KNTC1: variants seen among roughly 807,000 people sequenced by gnomAD.
KNTC1 encodes the protein kinetochore associated 1, also known as kinetochore-associated protein 1.
KNTC1 carries 253 observed loss-of-function variants against 314.4 expected under a neutral mutation model. That is an observed-to-expected ratio of 0.80 (90% CI 0.73 to 0.89). The LOEUF (loss-of-function observed/expected upper bound fraction) is 0.89. KNTC1 is among the 40% of genes least tolerant of loss of function. KNTC1 has a pLI of 0.00. For missense variants in KNTC1, 2,475 were observed against 2,572.9 expected, an observed-to-expected ratio of 0.96 and a Z score of 0.82; for synonymous variants, 901 against 901.4, an observed-to-expected ratio of 1.00 and a Z score of 0.01.
intron 22 of KNTC1, among the ~76,000 whole-genome samples, chr12:122,570,158 A>G (rs1403461137): frequency 6.6e-6 from 1 of 152,082 alleles, no homozygotes; most frequent in Non-Finnish European, 1.5e-5. Context: ...AGAGGCTTGG[A>G]AGGGTTGTGG....
At position 122,601,395 on chromosome 12, in the gene KNTC1, C is replaced by T. The variant is rs555997561; in HGVS notation, c.4564-141C>T. The T allele has an allele frequency of 3.0e-5, 24 of 791,458 alleles. No individual in the cohort carries two copies. The South Asian group carries it at 4.0e-4, about 13-fold the overall frequency. 49.0% of individuals were successfully genotyped at this position (791,458 alleles called of 1,614,324 possible). ...CCACCGTGCCCGGCCGATTGTAGCT[C>T]ATTTTTAAGGGAGTAATTAATTTAA... is the stretch of plus-strand genomic sequence containing the variant. On this transcript the variant is annotated intron_variant, in intron 44 of 63. Coordinates refer to ENST00000333479, the MANE Select transcript of KNTC1 (RefSeq NM_014708.6).
Position 122,597,910 on chromosome 12 carries a change from T to C in KNTC1, c.4535T>C (p.Val1512Ala). The C allele has an allele frequency of 6.2e-7, 1 of 1,613,994 alleles. No individual in the cohort carries two copies. The highest frequency in any genetic ancestry group is 1.1e-5 in the South Asian group (1 of 91,084). The change falls in exon 44 of 64, where the codon GTC (valine) becomes GCC (alanine). Residue 1512 changes from valine (V) to alanine (A), a missense_variant. Coordinates refer to ENST00000333479, the MANE Select transcript of KNTC1 (RefSeq NM_014708.6). Reference sequence around the variant, plus strand: ...TTACTGACGAGCACAAAAGATTTGGTCATCAGTCTTAGTGGAATACTACAT... The same window carrying C: ...TTACTGACGAGCACAAAAGATTTGGCCATCAGTCTTAGTGGAATACTACAT... ...VPLLTSTKDL[V>A]ISLSGILHKL...
chr12:122,584,265 C>T lies in KNTC1; in HGVS notation c.3264-13C>T. ...TGAGTATTCTAACTACCAATACTTT[C>T]TTTCTTCCAAAGCGACTTGTTTAAG... On this transcript the variant is annotated splice_polypyrimidine_tract_variant and intron_variant, in intron 34 of 63. Coordinates refer to ENST00000333479, the MANE Select transcript of KNTC1 (RefSeq NM_014708.6). 1 of 1,593,936 alleles carries T rather than the reference C, an allele frequency of 6.3e-7. No homozygotes were observed. Among genetic ancestry groups the T allele is most frequent in the Admixed American group, 1.7e-5 (1 of 58,508 alleles).
chr12:122,528,425 A>G (rs1960966785), intron 1 of KNTC1, among the ~76,000 whole-genome samples: 2 of 152,208 alleles, frequency 1.3e-5, no homozygotes, highest in Non-Finnish European at 2.9e-5. Context: ...AATGTTTGCC[A>G]TCAACCAAGC....
chr12:122,595,508 A>G (rs1300713965), intron 43 of KNTC1, among the ~76,000 whole-genome samples: 2 of 152,054 alleles, frequency 1.3e-5, no homozygotes, highest in Admixed American at 6.5e-5. Context: ...TGAGAATGAA[A>G]CTGCTTGGTG....
chr12:122,611,083 G>T (rs1873066617), intron 53 of KNTC1, 183 bp downstream of exon 53: 2 of 597,330 alleles, frequency 3.3e-6, no homozygotes, highest in African/African-American at 1.9e-5. Context: ...ATTTAGTTCT[G>T]GTCTCTGTAA....
At chr12:122,601,141 G>A (rs1871825568) in intron 44 of KNTC1, among the ~76,000 whole-genome samples, 1 of 152,010 alleles carries the variant, frequency 6.6e-6, no homozygotes, top group South Asian at 2.1e-4. Flanking sequence ...GGAGTGCAGT[G>A]GCGCAATCTC....
intron 5 of KNTC1, 29 bp from the exon 6 acceptor site, chr12:122,542,021 A>G (rs2137712749): frequency 1.3e-6 from 2 of 1,496,376 alleles, no homozygotes; most frequent in Non-Finnish European, 1.8e-6. Flanking sequence ...CTCAAAAAAA[A>G]GAAACTGATT....
At position 122,574,360 on chromosome 12, in the gene KNTC1, G is replaced by A. The variant is rs1371962771; in HGVS notation, c.2362G>A (p.Ala788Thr). 7.5e-6 allele frequency: 12 copies of A among 1,606,930 alleles called. No homozygotes were observed. Among genetic ancestry groups the A allele is most frequent in the Non-Finnish European group, 1.0e-5 (12 of 1,175,034 alleles). The stretch of plus-strand genomic sequence containing the variant: ...GGAAGCAAAGGCCATGGCAGTAATA[G>A]CGTGTTTATCTGACACGGACGTAAG... ...AWEAKAMAVIACLSDTDLIFD... is the reference protein window; with the variant it reads ...AWEAKAMAVITCLSDTDLIFD... The change falls in exon 27 of 64, where the codon GCG becomes ACG. Residue 788 changes from alanine (A) to threonine (T), a missense_variant. Coordinates refer to ENST00000333479, the MANE Select transcript of KNTC1 (RefSeq NM_014708.6).
At chr12:122,552,048 T>C (rs575674860) in intron 16 of KNTC1, among the ~76,000 whole-genome samples, 6 of 152,196 alleles carry the variant, frequency 3.9e-5, no homozygotes, top group Admixed American at 2.0e-4. Context: ...GCTGGGATTA[T>C]AGGCATGCAT....
chr12:122,594,488 AC>A, intron 43 of KNTC1, 103 bp downstream of exon 43: 1 of 675,638 alleles, frequency 1.5e-6, no homozygotes, highest in Admixed American at 2.7e-5. Context: ...TCCATAGACC[AC>A]TATTTTCTTT....
Position 122,610,828 on chromosome 12 carries a change from G to T in KNTC1, c.5550G>T (p.Gln1850His). 6.2e-7 allele frequency: 1 copy of T among 1,610,978 alleles called. No individual in the cohort carries two copies. Residue 1850 changes from glutamine (Q) to histidine (H), a missense_variant, in exon 53 of 64, where the codon CAG (glutamine) becomes CAT (histidine). Transcript: ENST00000333479. ...ATTAAAATTTTTTTTCCAGAGTGCA[G>T]TATCTCCTCCTGTCTCGTCCAATTG... ...LQEDEALRRV[Q>H]YLLLSRPIDY... is the part of the protein sequence containing the mutation.
At chr12:122,535,391 T>C (rs538095157) in intron 3 of KNTC1, among the ~76,000 whole-genome samples, 32 of 152,142 alleles carry the variant, frequency 2.1e-4, no homozygotes, top group African/African-American at 6.7e-4. Flanking sequence ...CTGTAATCCT[T>C]GTACTTTGGA....
At chr12:122,566,176 C>T (rs1204980875) in intron 20 of KNTC1, among the ~76,000 whole-genome samples, 2 of 151,398 alleles carry the variant, frequency 1.3e-5, no homozygotes, top group Admixed American at 6.6e-5. Context: ...CTCCTGACCT[C>T]GTAATCTGCC....
At chr12:122,531,466 G>A (rs1961317674) in intron 2 of KNTC1, among the ~76,000 whole-genome samples, 1 of 152,094 alleles carries the variant, frequency 6.6e-6, no homozygotes, top group African/African-American at 2.4e-5. Context: ...CCAAAGTGCT[G>A]GGATTAAAGG....
At chr12:122,533,183 T>C (rs1213550427) in intron 2 of KNTC1, among the ~76,000 whole-genome samples, 1 of 151,992 alleles carries the variant, frequency 6.6e-6, no homozygotes, top group Non-Finnish European at 1.5e-5. Context: ...TTTTTTTTTT[T>C]TGAGGCAGAG....
chr12:122,539,814 C>CT, intron 5 of KNTC1, 60 bp downstream of exon 5: 2 of 1,126,250 alleles, frequency 1.8e-6, no homozygotes, highest in Non-Finnish European at 2.5e-6. Context: ...TGGAGTCTCC[C>CT]TTTGTCGCCC....
chr12:122,550,784 T>C (rs1430133557), intron 13 of KNTC1, among the ~76,000 whole-genome samples: 1 of 152,222 alleles, frequency 6.6e-6, no homozygotes, highest in African/African-American at 2.4e-5. Flanking sequence ...ATTACATGTG[T>C]GAGCCATTGC....
chr12:122,610,557 G>A (rs1365323695), intron 52 of KNTC1, among the ~76,000 whole-genome samples: 1 of 152,206 alleles, frequency 6.6e-6, no homozygotes, highest in Non-Finnish European at 1.5e-5. Context: ...AAATTTAAGG[G>A]ATCAGAGATT....
Sources: allele counts gnomAD v4.1 joint callset (sites outside exome capture counted in the v4.1 genomes callset), GRCh38; gene constraint gnomAD v4.1.1; transcripts MANE v1.5; gene names NCBI Gene and HGNC (gene_info 2026-07-23, HGNC 2026-07-21).